Variants in ARHGAP29 observed in about 807,000 individuals in gnomAD.
ARHGAP29 encodes rho GTPase-activating protein 29.
Under a neutral mutation model 122.6 loss-of-function variants are expected in ARHGAP29, and 43 were observed. The ratio of observed to expected loss-of-function variants is 0.35; its 90% CI spans 0.27 to 0.45. The LOEUF is 0.45. ARHGAP29 is among the 20% of genes least tolerant of loss of function. The probability of loss-of-function intolerance (pLI) is 1.00; values close to 1 mark genes in which losing one functional copy is unlikely to be tolerated. For synonymous variants in ARHGAP29, 506 were observed against 497.1 expected (o/e 1.02, Z -0.24); for missense variants, 1,303 against 1,477.2 (o/e 0.88, Z 1.93).
chr1:94,266,999 A>T (rs930660725), intron 1 of ARHGAP29, among the ~76,000 whole-genome samples: 1 of 152,218 alleles, frequency 6.6e-6, no homozygotes, highest in Non-Finnish European at 1.5e-5. Context: ...AAGAAGTCAG[A>T]TCTGCTCTCA....
chr1:94,311,388 G>A, the ARHGAP29 span, among the ~76,000 whole-genome samples: 1 of 151,924 alleles, frequency 6.6e-6, no homozygotes, highest in Non-Finnish European at 1.5e-5. Context: ...TTTCTCTCTT[G>A]TCTCTACCCA....
Position 94,173,998 on chromosome 1 carries a change from T to A in ARHGAP29, c.3657A>T (p.Ala1219=). The change falls in exon 23 of 23, where the codon GCA becomes GCT. Residue 1219 remains alanine (A), a synonymous_variant. Transcript: ENST00000260526. The part of the protein sequence containing the change: ...PDKASACPGQ[A]TGQPKEDSEE... ...CAGAGTCTTCTTTAGGTTGACCAGT[T>A]GCTTGCCCAGGACAAGCTGATGCTT... 6.2e-7 allele frequency: 1 copy of A among 1,614,216 alleles called. No homozygotes were observed.
rs759585723 is a variant in ARHGAP29 at position 94,203,950 on chromosome 1, T to C, written c.742A>G (p.Arg248Gly). The change falls in exon 8 of 23, where the codon AGA becomes GGA. Residue 248 changes from arginine to glycine, a missense_variant. Coordinates refer to ENST00000260526, the MANE Select transcript of ARHGAP29 (RefSeq NM_004815.4). ...CTTACCTGAATTCCAATGTTAGTTC[T>C]AGTTGCCTCTGCCAACTTGACCATA... The part of the protein sequence containing the change: ...RNMVKLAEAT[R>G]TNIGIQEFMP... 3.7e-6 allele frequency: 6 copies of C among 1,613,972 alleles called. No individual in the cohort carries two copies. The highest frequency in any genetic ancestry group is 3.3e-4 in the Middle Eastern group (2 of 6,060).
At chr1:94,184,836 T>C (rs1649697770) in intron 18 of ARHGAP29, 36 bp downstream of exon 18, 3 of 1,476,848 alleles carry the variant, frequency 2.0e-6, no homozygotes, top group Admixed American at 4.5e-5. Flanking sequence ...TACACAGGCA[T>C]TTATGCTTTT....
upstream of ARHGAP29, among the ~76,000 whole-genome samples, chr1:94,241,196 A>G (rs1237496461): frequency 6.6e-6 from 1 of 152,254 alleles, no homozygotes; most frequent in Non-Finnish European, 1.5e-5. Flanking sequence ...TTGTTAAATT[A>G]TGCCACAGTA....
intron 1 of ARHGAP29, 62 bp from the exon 2 acceptor site, chr1:94,231,705 A>T: frequency 8.0e-7 from 1 of 1,247,894 alleles, no homozygotes; most frequent in Non-Finnish European, 1.1e-6. Context: ...ACAAAAACTA[A>T]ATCAGCCAGG....
rs1321219557 is a variant in ARHGAP29 at position 94,185,338 on chromosome 1, T to C, written c.1920+4A>G. ...GGGTCAACACAATTCCACAAAGATC[T>C]TACCTCTTCACATTCAACACCTTGG... is the stretch of plus-strand genomic sequence containing the variant. On this transcript the variant is annotated splice_donor_region_variant and intron_variant, in intron 17 of 22. Coordinates refer to ENST00000260526, the MANE Select transcript of ARHGAP29 (RefSeq NM_004815.4). 3 of 1,586,514 alleles carry C rather than the reference T, an allele frequency of 1.9e-6. No individual in the cohort carries two copies. The highest frequency in any genetic ancestry group is 2.7e-5 in the African/African-American group (2 of 73,652).
At chr1:94,233,404 AC>A (rs1653051629) in intron 1 of ARHGAP29, among the ~76,000 whole-genome samples, 1 of 36,694 alleles carries the variant, frequency 2.7e-5, no homozygotes, top group Admixed American at 3.4e-4. Flanking sequence ...CTCTACTGCT[AC>A]CACACTAGTG....
intron 1 of ARHGAP29, among the ~76,000 whole-genome samples, chr1:94,252,388 C>A (rs1471630609): frequency 6.6e-6 from 1 of 152,172 alleles, no homozygotes; most frequent in Admixed American, 6.5e-5. Context: ...AAAAGTGAAG[C>A]CTCTGGTCAT....
intron 11 of ARHGAP29, 67 bp downstream of exon 11, chr1:94,202,477 T>A: frequency 1.3e-6 from 2 of 1,583,622 alleles, no homozygotes; most frequent in South Asian, 2.2e-5. Context: ...ACGCAGAACT[T>A]TGACACCAAA....
At chr1:94,285,890 AG>A in the ARHGAP29 span, among the ~76,000 whole-genome samples, 32 of 148,124 alleles carry the variant, frequency 2.2e-4, no homozygotes, top group African/African-American at 6.2e-4. Context: ...AAAAAAAAAA[AG>A]AAAAAAAAAA....
At position 94,177,728 on chromosome 1, in the gene ARHGAP29, T is replaced by C. The variant is rs755414279; in HGVS notation, c.2797-8A>G. The stretch of plus-strand genomic sequence containing the variant: ...CTCTGAAGTATGGATATCCTGTTGA[T>C]GCAAGATAATTTTTAAAATGGAAGA... On this transcript the variant is annotated splice_region_variant and splice_polypyrimidine_tract_variant and intron_variant, in intron 21 of 22. Transcript: ENST00000260526. 1.9e-6 allele frequency: 3 copies of C among 1,599,878 alleles called. No homozygotes were observed. The highest frequency in any genetic ancestry group is 3.5e-5 in the Admixed American group (2 of 57,462).
chr1:94,211,433 A>G (rs548075322), intron 3 of ARHGAP29, among the ~76,000 whole-genome samples: 1 of 152,286 alleles, frequency 6.6e-6, no homozygotes, highest in East Asian at 1.9e-4. Context: ...ACCCTTCGCA[A>G]TAACTGACAG....
At chr1:94,185,256 A>C in intron 17 of ARHGAP29, 86 bp downstream of exon 17, 1 of 1,413,374 alleles carries the variant, frequency 7.1e-7, no homozygotes, top group Non-Finnish European at 9.4e-7. Context: ...ATATATTTGC[A>C]AAAGATCCTA....
intron 12 of ARHGAP29, chr1:94,191,697 T>C (rs1383136225): frequency 6.6e-6 from 1 of 152,328 alleles, no homozygotes; most frequent in East Asian, 1.9e-4. Flanking sequence ...AAAAAGTTAA[T>C]GTGCAAATGA....
intron 18 of ARHGAP29, among the ~76,000 whole-genome samples, chr1:94,184,625 G>T (rs1261501089): frequency 6.6e-6 from 1 of 151,518 alleles, no homozygotes; most frequent in East Asian, 1.9e-4. Context: ...GTGGTAGCGC[G>T]TGCCTGTGGT....
chr1:94,309,754 A>G, the ARHGAP29 span, among the ~76,000 whole-genome samples: 1 of 152,338 alleles, frequency 6.6e-6, no homozygotes, highest in Non-Finnish European at 1.5e-5. Flanking sequence ...CGAAGACATG[A>G]GAGTCAATTC....
At chr1:94,251,631 C>T (rs1173959486) in intron 1 of ARHGAP29, among the ~76,000 whole-genome samples, 2 of 152,112 alleles carry the variant, frequency 1.3e-5, no homozygotes, top group Non-Finnish European at 2.9e-5. Context: ...CCCCAGGTAC[C>T]CCAAAGTCCC....
At chr1:94,220,229 G>A (rs1045181044) in intron 3 of ARHGAP29, 29 bp downstream of exon 3, 2 of 1,609,186 alleles carry the variant, frequency 1.2e-6, no homozygotes, top group African/African-American at 2.7e-5. Context: ...TTTGCCCACA[G>A]CAACCCACTT....
Sources: allele counts gnomAD v4.1 joint callset (sites outside exome capture counted in the v4.1 genomes callset), GRCh38; gene constraint gnomAD v4.1.1; transcripts MANE v1.5; gene names NCBI Gene and HGNC (gene_info 2026-07-23, HGNC 2026-07-21).